The following RBM46 variants were observed in gnomAD, a reference collection of about 807,000 sequenced individuals.
RBM46 encodes the protein RNA binding motif protein 46.
RBM46 carries 12 observed loss-of-function variants against 43.3 expected under a neutral mutation model. That is an observed-to-expected ratio of 0.28 (90% CI 0.18 to 0.45). The LOEUF is 0.45. Ranked by LOEUF, RBM46 falls within the 20% of genes least tolerant of loss-of-function variation. The pLI is 1.00. For missense variants in RBM46, 412 were observed against 639.1 expected (o/e 0.64, Z 3.83); for synonymous variants, 205 against 207.6 (o/e 0.99, Z 0.11).
chr4:154,792,507 G>A (rs1734149431), intron 1 of RBM46, among the ~76,000 whole-genome samples: 1 of 152,144 alleles, frequency 6.6e-6, no homozygotes, highest in Non-Finnish European at 1.5e-5. Flanking sequence ...CATATGCCAA[G>A]GGGTCTGCAT....
Position 154,828,265 on chromosome 4 carries a change from T to A in RBM46, c.*198T>A. The A allele has an allele frequency of 1.8e-6, 1 of 565,168 alleles. No homozygotes were observed. The highest frequency in any genetic ancestry group is 3.1e-6 in the Non-Finnish European group (1 of 320,454). 35.0% of individuals were successfully genotyped at this position (565,168 alleles called of 1,614,324 possible). On this transcript the variant is annotated 3_prime_UTR_variant, in exon 5 of 5. Coordinates refer to ENST00000281722, the MANE Select transcript of RBM46 (RefSeq NM_144979.5). ...TATAAAAATGCAAAGTTTAAAAAGTTATTCAGTGGTTTCTCTTGATAAAGG... is the reference window on the plus strand; with the variant it reads ...TATAAAAATGCAAAGTTTAAAAAGTAATTCAGTGGTTTCTCTTGATAAAGG...
At chr4:154,799,924 T>C (rs1194928971) in intron 4 of RBM46, among the ~76,000 whole-genome samples, 3 of 152,030 alleles carry the variant, frequency 2.0e-5, no homozygotes. Context: ...CATGCCAGGC[T>C]AATTTTTTGG....
intron 4 of RBM46, among the ~76,000 whole-genome samples, chr4:154,806,165 C>T (rs1042805609): frequency 6.6e-6 from 1 of 151,508 alleles, no homozygotes; most frequent in Non-Finnish European, 1.5e-5. Flanking sequence ...TCTGAAAGAC[C>T]ATTTAAATGA....
At chr4:154,827,419 T>C in intron 4 of RBM46, 6 of 995,124 alleles carry the variant, frequency 6.0e-6, no homozygotes, top group Non-Finnish European at 7.2e-6. Context: ...GTTTTTGCAG[T>C]CCAGGGGTGA....
At chr4:154,810,896 C>G (rs1350560548) in intron 4 of RBM46, among the ~76,000 whole-genome samples, 1 of 152,084 alleles carries the variant, frequency 6.6e-6, no homozygotes, top group Non-Finnish European at 1.5e-5. Context: ...AAGAATATCC[C>G]TTTTGCTTAC....
intron 4 of RBM46, chr4:154,820,401 A>G: frequency 6.6e-7 from 1 of 1,523,244 alleles, no homozygotes; most frequent in South Asian, 1.2e-5. Context: ...CCTGTGTAGA[A>G]GAATTTGGAG....
intron 1 of RBM46, among the ~76,000 whole-genome samples, chr4:154,784,488 T>G (rs1037768374): frequency 2.0e-5 from 3 of 152,230 alleles, no homozygotes; most frequent in African/African-American, 7.2e-5. Flanking sequence ...CTTGAATAGC[T>G]TGTGATTTGC....
At chr4:154,807,721 A>AAC (rs1418443200) in intron 4 of RBM46, among the ~76,000 whole-genome samples, 1 of 151,924 alleles carries the variant, frequency 6.6e-6, no homozygotes, top group Non-Finnish European at 1.5e-5. Context: ...GAAGCTTCAA[A>AAC]ACAGAAGGAC....
chr4:154,811,698 T>A lies in RBM46; in HGVS notation c.1402+12134T>A, dbSNP rs535702577. Among the ~76,000 whole-genome samples, 249 of 149,952 alleles carry A rather than the reference T, an allele frequency of 1.7e-3. 1 individual carries two copies. Among genetic ancestry groups the A allele is most frequent in the African/African-American group, 5.2e-3 (208 of 40,086 alleles). ...GTGTGTGTGTGTGTGTGTGTGTGTGTGTGACAGAGTTTCGCTGTGTCACCC... is the reference window on the plus strand; with the variant it reads ...GTGTGTGTGTGTGTGTGTGTGTGTGAGTGACAGAGTTTCGCTGTGTCACCC... On this transcript the variant is annotated intron_variant, in intron 4 of 4. Transcript: ENST00000281722.
At chr4:154,796,497 G>T (rs1272575524) in intron 1 of RBM46, among the ~76,000 whole-genome samples, 1 of 151,184 alleles carries the variant, frequency 6.6e-6, no homozygotes, top group Admixed American at 6.6e-5. Flanking sequence ...CTTTTTCATT[G>T]TTTGTGTCCC....
intron 4 of RBM46, among the ~76,000 whole-genome samples, chr4:154,819,490 G>C (rs529142802): frequency 4.6e-5 from 7 of 152,210 alleles, no homozygotes; most frequent in African/African-American, 1.4e-4. Flanking sequence ...TGAGATCACA[G>C]CCCCATAATT....
chr4:154,826,195 C>T (rs917590354), intron 4 of RBM46, among the ~76,000 whole-genome samples: 5 of 151,152 alleles, frequency 3.3e-5, no homozygotes, highest in Admixed American at 6.6e-5. Flanking sequence ...CGTTGGCTCA[C>T]ACCTGTAATC....
At chr4:154,825,765 A>C (rs541940199) in intron 4 of RBM46, among the ~76,000 whole-genome samples, 2 of 152,330 alleles carry the variant, frequency 1.3e-5, no homozygotes, top group Non-Finnish European at 2.9e-5. Flanking sequence ...CTTTCCCTGA[A>C]GATAACCTTC....
intron 1 of RBM46, chr4:154,787,250 G>C (rs1036536495): frequency 6.6e-6 from 1 of 151,582 alleles, no homozygotes; most frequent in African/African-American, 2.4e-5. Context: ...GTGCAGGTTT[G>C]TTACATATGT....
chr4:154,806,957 T>C (rs911304862), intron 4 of RBM46, among the ~76,000 whole-genome samples: 1 of 151,846 alleles, frequency 6.6e-6, no homozygotes, highest in Admixed American at 6.6e-5. Context: ...ATCTATTTGA[T>C]CATGCTTGAT....
intron 4 of RBM46, among the ~76,000 whole-genome samples, chr4:154,808,575 T>C (rs1735026832): frequency 6.6e-6 from 1 of 152,026 alleles, no homozygotes; most frequent in Non-Finnish European, 1.5e-5. Flanking sequence ...CGGCTTTTTT[T>C]TTCCTGCTGC....
chr4:154,795,728 C>T lies in RBM46; in HGVS notation c.-11-1014C>T, dbSNP rs373923507. Among the ~76,000 whole-genome samples the T allele has an allele frequency of 1.8e-4, 28 of 152,064 alleles. No individual in the cohort carries two copies. In the East Asian group the frequency reaches 4.0e-3, roughly 22 times the overall value. ...TAAGCAGATATATATTTTATATCACCTTGATAGCATTATGGAGATTTTGAG... is the reference window on the plus strand; with the variant it reads ...TAAGCAGATATATATTTTATATCACTTTGATAGCATTATGGAGATTTTGAG... On this transcript the variant is annotated intron_variant, in intron 1 of 4. Coordinates refer to ENST00000281722, the MANE Select transcript of RBM46 (RefSeq NM_144979.5).
chr4:154,815,262 T>G (rs183952809), intron 4 of RBM46, among the ~76,000 whole-genome samples: 1 of 152,110 alleles, frequency 6.6e-6, no homozygotes, highest in Admixed American at 6.5e-5. Flanking sequence ...TTGGGGCTGT[T>G]TGAATAATGA....
chr4:154,816,012 C>T (rs1435610029), intron 4 of RBM46, among the ~76,000 whole-genome samples: 1 of 152,010 alleles, frequency 6.6e-6, no homozygotes, highest in Non-Finnish European at 1.5e-5. Context: ...GCAGTGCCAC[C>T]TTAATGTAAA....
Sources: allele counts gnomAD v4.1 joint callset (sites outside exome capture counted in the v4.1 genomes callset), GRCh38; gene constraint gnomAD v4.1.1; transcripts MANE v1.5; gene names NCBI Gene and HGNC (gene_info 2026-07-23, HGNC 2026-07-21).